MAP3K13: variants seen among roughly 807,000 people sequenced by gnomAD.
The protein encoded by MAP3K13 is leucine zipper-bearing kinase.
A neutral mutation model predicts 104.0 loss-of-function variants in MAP3K13; 52 were observed. The observed-to-expected ratio is 0.50, with a 90% CI of 0.40 to 0.63. The LOEUF (loss-of-function observed/expected upper bound fraction) is 0.63. Among genes scored for constraint, MAP3K13 ranks in the 20% least tolerant of loss-of-function variants. The pLI is 0.00. For synonymous variants in MAP3K13, 394 were observed against 442.2 expected (o/e 0.89, Z 1.37); for missense variants, 914 against 1,218.5 (o/e 0.75, Z 3.72).
At chr3:185,333,775 T>A (rs1722369578) in intron 2 of MAP3K13, among the ~76,000 whole-genome samples, 1 of 152,092 alleles carries the variant, frequency 6.6e-6, no homozygotes, top group Non-Finnish European at 1.5e-5. Context: ...AAAAAGAGGC[T>A]GGGTGTGGTG....
chr3:185,319,994 G>A (rs1338181505), intron 2 of MAP3K13, among the ~76,000 whole-genome samples: 1 of 152,124 alleles, frequency 6.6e-6, no homozygotes, highest in East Asian at 1.9e-4. Flanking sequence ...GTTGGGTATT[G>A]CATTGGCTTT....
intron 2 of MAP3K13, among the ~76,000 whole-genome samples, chr3:185,331,380 C>A (rs1722271394): frequency 6.6e-6 from 1 of 152,030 alleles, no homozygotes; most frequent in African/African-American, 2.4e-5. Context: ...CAGGCGTGAA[C>A]CACTGCGCCT....
At chr3:185,301,244 A>T (rs962202841) in intron 2 of MAP3K13, among the ~76,000 whole-genome samples, 1 of 151,182 alleles carries the variant, frequency 6.6e-6, no homozygotes, top group Non-Finnish European at 1.5e-5. Flanking sequence ...ATCTTTTCAT[A>T]TGTTTGTCGG....
chr3:185,322,750 G>A lies in MAP3K13; in HGVS notation c.-86+37107G>A, dbSNP rs544978082. On this transcript the variant is annotated intron_variant, in intron 2 of 14. Coordinates refer to the MAP3K13 transcript ENST00000424227. Reference sequence around the variant, plus strand: ...ACCAACAAATATTTATTGAATGAATGAGTTAAATGAATCTCACTCCCTTCA... The same window carrying A: ...ACCAACAAATATTTATTGAATGAATAAGTTAAATGAATCTCACTCCCTTCA... 7.2e-5 allele frequency among the ~76,000 whole-genome samples: 11 copies of A among 152,278 alleles called. No homozygotes were observed. In the South Asian group the frequency reaches 2.3e-3, roughly 32 times the overall value.
intron 5 of MAP3K13, 191 bp downstream of exon 5, chr3:185,448,138 TA>T: frequency 1.3e-6 from 1 of 760,962 alleles, no homozygotes; most frequent in Non-Finnish European, 2.4e-6. Context: ...TAGGGGGAAT[TA>T]GGGTGGCTAT....
chr3:185,451,465 T>G (rs1179621399), intron 7 of MAP3K13, 70 bp downstream of exon 7: 1 of 979,470 alleles, frequency 1.0e-6, no homozygotes, highest in Admixed American at 1.7e-5. Context: ...AGAGTAACTC[T>G]TAGAAGGGCC....
chr3:185,301,097 C>A (rs1721087686), intron 2 of MAP3K13, among the ~76,000 whole-genome samples: 2 of 90,568 alleles, frequency 2.2e-5, no homozygotes, highest in South Asian at 7.7e-4. Context: ...ACTCTACATC[C>A]TTACCAACAC....
At chr3:185,309,115 A>G (rs1241804240) in intron 2 of MAP3K13, among the ~76,000 whole-genome samples, 1 of 152,214 alleles carries the variant, frequency 6.6e-6, no homozygotes, top group Admixed American at 6.5e-5. Context: ...CAAAGAGCCT[A>G]TTTCCAAATA....
intron 1 of MAP3K13, among the ~76,000 whole-genome samples, chr3:185,368,390 C>T (rs1481974806): frequency 6.6e-6 from 1 of 152,096 alleles, no homozygotes; most frequent in Non-Finnish European, 1.5e-5. Flanking sequence ...GCTCTCGGTC[C>T]AGTCCAGCAT....
At chr3:185,455,983 T>A (rs1411855771) in intron 7 of MAP3K13, among the ~76,000 whole-genome samples, 1 of 147,218 alleles carries the variant, frequency 6.8e-6, no homozygotes, top group African/African-American at 2.5e-5. Context: ...GATATATATA[T>A]GATATATATG....
intron 2 of MAP3K13, chr3:185,291,513 T>C: frequency 9.3e-7 from 1 of 1,080,672 alleles, no homozygotes; most frequent in Middle Eastern, 2.1e-4. Context: ...TGGTATCTAG[T>C]AATCTGATTA....
At chr3:185,296,284 C>T (rs1720917709) in intron 2 of MAP3K13, among the ~76,000 whole-genome samples, 1 of 152,118 alleles carries the variant, frequency 6.6e-6, no homozygotes, top group Non-Finnish European at 1.5e-5. Flanking sequence ...TCTCATCTCA[C>T]TCCAAGTATG....
rs567690557 is a variant in MAP3K13, at chr3:185,449,934, G to C, written c.1045G>C (p.Gly349Arg). The part of the protein sequence containing the change: ...FGVVLWELLT[G>R]EIPYKDVDSS... ...AGTGGTGCTTTGGGAGCTGCTGACA[G>C]GAGAGATCCCTTACAAAGATGTAGA... Residue 349 changes from glycine (G) to arginine (R), a missense_variant, in exon 6 of 14, where the codon GGA becomes CGA. Physicochemically the swap from Gly to Arg is moderately radical, Grantham distance 125. Transcript: ENST00000265026. 1 of 1,613,518 alleles carries C rather than the reference G, an allele frequency of 6.2e-7. No individual in the cohort carries two copies. Among genetic ancestry groups the C allele is most frequent in the East Asian group, 2.2e-5 (1 of 44,804 alleles).
chr3:185,375,780 C>A (rs530814409), intron 1 of MAP3K13, among the ~76,000 whole-genome samples: 4 of 152,154 alleles, frequency 2.6e-5, no homozygotes, highest in South Asian at 2.1e-4. Flanking sequence ...AGTAAAGGGG[C>A]CTTGAGAAGA....
intron 2 of MAP3K13, among the ~76,000 whole-genome samples, chr3:185,325,732 C>A (rs948635126): frequency 6.6e-6 from 1 of 152,188 alleles, no homozygotes; most frequent in Non-Finnish European, 1.5e-5. Context: ...ACATTCTGTC[C>A]TTTGGCTGCT....
At chr3:185,446,648 T>G (rs1226972082) in intron 4 of MAP3K13, among the ~76,000 whole-genome samples, 1 of 152,190 alleles carries the variant, frequency 6.6e-6, no homozygotes, top group Non-Finnish European at 1.5e-5. Context: ...GGTGTGGAAT[T>G]TACTTAAGCT....
At chr3:185,400,096 C>T (rs997080340) in intron 1 of MAP3K13, among the ~76,000 whole-genome samples, 6 of 152,196 alleles carry the variant, frequency 3.9e-5, no homozygotes, top group African/African-American at 1.4e-4. Flanking sequence ...CCTCCCTTCA[C>T]CTCTCCATAG....
At chr3:185,356,149 A>G (rs1362206567) in intron 2 of MAP3K13, among the ~76,000 whole-genome samples, 1 of 152,206 alleles carries the variant, frequency 6.6e-6, no homozygotes, top group Non-Finnish European at 1.5e-5. Flanking sequence ...GGTGACAAAG[A>G]TAATAATAAT....
At chr3:185,412,649 C>T (rs1016698303) in intron 1 of MAP3K13, among the ~76,000 whole-genome samples, 1 of 152,150 alleles carries the variant, frequency 6.6e-6, no homozygotes, top group African/African-American at 2.4e-5. Context: ...AAAATTAAAG[C>T]TCAGGACTAC....
Sources: gnomAD v4.1 joint callset for allele counts (sites outside exome capture counted in the v4.1 genomes callset) on GRCh38, gnomAD v4.1.1 for gene constraint, MANE v1.5 for transcripts, NCBI Gene and HGNC (gene_info 2026-07-23, HGNC 2026-07-21) for gene names.